The following TMEM128 variants were observed in gnomAD, a reference collection of about 807,000 sequenced individuals.
TMEM128 encodes the protein transmembrane protein 128.
TMEM128 carries 16 observed loss-of-function variants against 19.7 expected under a neutral mutation model. That is an observed-to-expected ratio of 0.81 (90% CI 0.55 to 1.23). The LOEUF is 1.23. TMEM128 is among the 50% of genes most tolerant of loss of function. The probability of loss-of-function intolerance (pLI) is 0.00; values close to 1 mark genes in which losing one functional copy is unlikely to be tolerated. For missense variants in TMEM128, 237 were observed against 200.8 expected (o/e 1.18, Z -1.09); for synonymous variants, 98 against 75.8 (o/e 1.29, Z -1.52).
intron 3 of TMEM128, among the ~76,000 whole-genome samples, chr4:4,238,423 T>A (rs67319735): frequency 0.17 from 25,383 of 152,136 alleles, 2,175 homozygotes; most frequent in East Asian, 0.3. Context: ...GTATAAAGAT[T>A]TTTAATGACT....
rs752195763 is a variant in TMEM128, at chr4:4,240,435, A to G, written c.284T>C (p.Ile95Thr). The change falls in exon 3 of 5, where the codon ATT (isoleucine) becomes ACT (threonine). Residue 95 changes from isoleucine to threonine, a missense_variant. Transcript: ENST00000382753. ...GSALLLVSLS[I>T]AFYCIVYLEW... ...CAGGTAGACTATGCAGTAAAATGCA[A>G]TTGATAAACTGACAAGCAACAAGGC... 6.2e-7 allele frequency: 1 copy of G among 1,613,782 alleles called. No homozygotes were observed. The highest frequency in any genetic ancestry group is 1.7e-5 in the Admixed American group (1 of 59,992).
At chr4:4,240,604 C>T in intron 2 of TMEM128, 125 bp from the exon 3 acceptor site, 5 of 1,038,772 alleles carry the variant, frequency 4.8e-6, no homozygotes, top group Non-Finnish European at 6.9e-6. Context: ...GGGAGCCATA[C>T]TTAAACAATC....
At chr4:4,243,329 G>A (rs954761018) in intron 2 of TMEM128, among the ~76,000 whole-genome samples, 8 of 152,126 alleles carry the variant, frequency 5.3e-5, no homozygotes, top group African/African-American at 1.2e-4. Flanking sequence ...TGATCCGCCC[G>A]CCTCGGCCTC....
chr4:4,237,914 A>T lies in TMEM128; in HGVS notation c.420T>A (p.His140Gln), dbSNP rs1717791669. ...ACAATGGAGTGAAAAACGACCACACATGCCATAAAGCAATGTTGAAGCTGA... is the reference window on the plus strand; with the variant it reads ...ACAATGGAGTGAAAAACGACCACACTTGCCATAAAGCAATGTTGAAGCTGA... The part of the protein sequence containing the change: ...AGICFNIALW[H>Q]VWSFFTPLLL... Residue 140 changes from histidine to glutamine, a missense_variant, in exon 4 of 5, where the codon CAT (histidine) becomes CAA (glutamine). Transcript: ENST00000382753. 1 of 1,588,174 alleles carries T rather than the reference A, an allele frequency of 6.3e-7. No individual in the cohort carries two copies. The highest frequency in any genetic ancestry group is 8.6e-7 in the Non-Finnish European group (1 of 1,166,118).
rs886688006 is a variant in TMEM128 at position 4,235,809 on chromosome 4, T to C, written c.*457A>G. On this transcript the variant is annotated 3_prime_UTR_variant, in exon 5 of 5. Transcript: ENST00000382753. ...CATCCAGTCATTTTATACAAGGAAC[T>C]GCTATCCCTTAAATGGAAGAGTGAA... 6.6e-6 allele frequency: 1 copy of C among 152,668 alleles called. No individual in the cohort carries two copies. Among genetic ancestry groups the C allele is most frequent in the Non-Finnish European group, 1.5e-5 (1 of 68,038 alleles). 9.5% of individuals were successfully genotyped at this position (152,668 alleles called of 1,614,324 possible). A position where few individuals can be genotyped will look rare whatever the true frequency, so the allele number is the denominator to read the frequency against.
chr4:4,243,328 C>T (rs558797344), intron 2 of TMEM128, among the ~76,000 whole-genome samples: 58 of 152,236 alleles, frequency 3.8e-4, no homozygotes, highest in African/African-American at 1.2e-3. Flanking sequence ...GTGATCCGCC[C>T]GCCTCGGCCT....
intron 1 of TMEM128, chr4:4,247,590 T>C (rs777709829): frequency 1.2e-6 from 2 of 1,614,190 alleles, no homozygotes; most frequent in Admixed American, 3.3e-5. Flanking sequence ...TGAACATACA[T>C]CACAAGTTAC....
At chr4:4,239,058 T>C (rs1717840021) in intron 3 of TMEM128, among the ~76,000 whole-genome samples, 1 of 152,060 alleles carries the variant, frequency 6.6e-6, no homozygotes, top group Non-Finnish European at 1.5e-5. Flanking sequence ...AAAAATCCAA[T>C]TGATATAAAG....
At chr4:4,244,041 G>C (rs1412152090) in intron 2 of TMEM128, among the ~76,000 whole-genome samples, 1 of 152,150 alleles carries the variant, frequency 6.6e-6, no homozygotes, top group Non-Finnish European at 1.5e-5. Flanking sequence ...CTGGTAACTT[G>C]TCTGCTGCAG....
chr4:4,239,950 A>G (rs1249995369), intron 3 of TMEM128, among the ~76,000 whole-genome samples: 1 of 152,222 alleles, frequency 6.6e-6, no homozygotes, highest in Non-Finnish European at 1.5e-5. Context: ...ACTGGGAGGG[A>G]GAATGAAGGG....
intron 3 of TMEM128, among the ~76,000 whole-genome samples, chr4:4,239,407 C>A (rs1238231189): frequency 2.4e-5 from 2 of 83,428 alleles, no homozygotes; most frequent in African/African-American, 3.0e-5. Flanking sequence ...ATGGAAGAAT[C>A]CCAAACTATA....
At chr4:4,243,272 C>CG (rs1415575133) in intron 2 of TMEM128, among the ~76,000 whole-genome samples, 1 of 151,940 alleles carries the variant, frequency 6.6e-6, no homozygotes, top group Non-Finnish European at 1.5e-5. Flanking sequence ...TTAGTAGAGA[C>CG]GGGGTTTCAC....
At chr4:4,247,853 A>G in intron 1 of TMEM128, 7 of 1,430,996 alleles carry the variant, frequency 4.9e-6, no homozygotes, top group Non-Finnish European at 6.4e-6. Flanking sequence ...TTAAGACTTA[A>G]AACTGGTGGG....
Position 4,237,886 on chromosome 4 carries a change from A to C in TMEM128, c.448T>G (p.Leu150Val). 2 of 1,604,836 alleles carry C rather than the reference A, an allele frequency of 1.2e-6. No homozygotes were observed. The highest frequency in any genetic ancestry group is 1.7e-6 in the Non-Finnish European group (2 of 1,175,204). The stretch of plus-strand genomic sequence containing the variant: ...ACAACCCCCATAAACTGGGTAAACA[A>C]CAACAATGGAGTGAAAAACGACCAC... Reference protein sequence around the residue: ...HVWSFFTPLLLFTQFMGVVMF... With the variant: ...HVWSFFTPLLVFTQFMGVVMF... The change falls in exon 4 of 5, where the codon TTG (leucine) becomes GTG (valine). Residue 150 changes from leucine (L) to valine (V), a missense_variant. By Grantham distance (32) the Leu-to-Val change is conservative. Coordinates refer to ENST00000382753, the MANE Select transcript of TMEM128 (RefSeq NM_001297551.2).
rs535336190 is a variant in TMEM128 at position 4,246,400 on chromosome 4, T to C, written c.98-57A>G. Reference sequence around the variant, plus strand: ...TTACCACAATTTTGCGAGGAAAAATTACACTTAAGCCAAATAAAATCATTT... The same window carrying C: ...TTACCACAATTTTGCGAGGAAAAATCACACTTAAGCCAAATAAAATCATTT... On this transcript the variant is annotated intron_variant, in intron 1 of 4. Coordinates refer to ENST00000382753, the MANE Select transcript of TMEM128 (RefSeq NM_001297551.2). 3.6e-5 allele frequency: 55 copies of C among 1,532,986 alleles called. No homozygotes were observed. In the African/African-American group the frequency reaches 7.2e-4, roughly 20 times the overall value. 95.0% of individuals were successfully genotyped at this position (1,532,986 alleles called of 1,614,324 possible). A position where few individuals can be genotyped will look rare whatever the true frequency, so the allele number is the denominator to read the frequency against.
At chr4:4,247,606 T>C (rs770997636) in intron 1 of TMEM128, 1 of 1,614,112 alleles carries the variant, frequency 6.2e-7, no homozygotes, top group African/African-American at 1.3e-5. Flanking sequence ...GTTACCTGTT[T>C]TGTACCCAAA....
chr4:4,239,203 T>C lies in TMEM128; in HGVS notation c.398+1118A>G, dbSNP rs1717847737. On this transcript the variant is annotated intron_variant, in intron 3 of 4. Coordinates refer to ENST00000382753, the MANE Select transcript of TMEM128 (RefSeq NM_001297551.2). The stretch of plus-strand genomic sequence containing the variant: ...CCTCAGTGAGCAAGTATTACTTTTA[T>C]AAACCCAAAAAACCCTGTATTTTTC... Among the ~76,000 whole-genome samples the C allele has an allele frequency of 2.6e-5, 4 of 152,324 alleles. No homozygotes were observed. The South Asian group carries it at 8.3e-4, about 32-fold the overall frequency.
chr4:4,238,755 C>T (rs986963897), intron 3 of TMEM128, among the ~76,000 whole-genome samples: 3 of 151,976 alleles, frequency 2.0e-5, no homozygotes, highest in Non-Finnish European at 4.4e-5. Context: ...TCAATTAGGC[C>T]GGGGGTGGTG....
In TMEM128 at chr4:4,248,124, C is replaced by A; in HGVS notation, c.79G>T (p.Glu27Ter). 1 of 1,536,426 alleles carries A rather than the reference C, an allele frequency of 6.5e-7. No individual in the cohort carries two copies. The highest frequency in any genetic ancestry group is 8.7e-7 in the Non-Finnish European group (1 of 1,144,126). ...GCCTCACCCGGCCCGGCGTCACCCT[C>A]GCGGTCCAGCTGGGCCTCGGCGTCC... ...LPDAEAQLDR[E>*]GDAGPETSTA... The change falls in exon 1 of 5, where the codon GAG becomes TAG. Residue 27 changes from glutamate (E) to a stop codon, truncating the protein, a stop_gained. Transcript: ENST00000382753. LOFTEE classifies it high-confidence loss of function.
Sources: allele counts gnomAD v4.1 joint callset (sites outside exome capture counted in the v4.1 genomes callset), GRCh38; gene constraint gnomAD v4.1.1; transcripts MANE v1.5; gene names NCBI Gene and HGNC (gene_info 2026-07-23, HGNC 2026-07-21).